Variants in WDR70 observed in about 807,000 individuals in gnomAD.
WDR70 encodes the protein WD repeat-containing protein 70.
In WDR70, 53 loss-of-function variants were observed where a neutral mutation model predicts 88.6. The observed-to-expected ratio is 0.60, with a 90% CI of 0.48 to 0.75. WDR70 has a LOEUF of 0.75. Among genes scored for constraint, WDR70 ranks in the 30% least tolerant of loss-of-function variants. WDR70 has a pLI of 0.00. For missense variants in WDR70, 610 were observed against 823.2 expected, an observed-to-expected ratio of 0.74 and a Z score of 3.17; for synonymous variants, 280 against 270.0, an observed-to-expected ratio of 1.04 and a Z score of -0.36.
chr5:37,535,690 A>T (rs989901697), intron 9 of WDR70, among the ~76,000 whole-genome samples: 1 of 152,240 alleles, frequency 6.6e-6, no homozygotes, highest in Non-Finnish European at 1.5e-5. Context: ...AATAGTTAAC[A>T]TTTATTGAGA....
chr5:37,722,601 C>T, intron 14 of WDR70: 1 of 462,660 alleles, frequency 2.2e-6, no homozygotes, highest in Middle Eastern at 5.9e-4. Flanking sequence ...GTTTTGTAAA[C>T]TTGTGTCCTG....
chr5:37,682,236 C>G (rs1482551192), intron 10 of WDR70, among the ~76,000 whole-genome samples: 1 of 152,138 alleles, frequency 6.6e-6, no homozygotes, highest in African/African-American at 2.4e-5. Flanking sequence ...ATAATATTCT[C>G]TGAGGGTTCT....
rs566455861 is a variant in WDR70, at chr5:37,423,360, A to G, written c.493-14562A>G. Among the ~76,000 whole-genome samples the G allele has an allele frequency of 5.1e-3, 758 of 147,464 alleles. 5 individuals are homozygous for G. The highest frequency in any genetic ancestry group is 8.8e-3 in the Non-Finnish European group (597 of 67,760). ...CATGGCCAGTATAATAAACAAAAAC[A>G]TTAAAAAAAAAAAAGAAGAAAAGGA... On this transcript the variant is annotated intron_variant, in intron 5 of 17. Transcript: ENST00000265107.
At chr5:37,396,616 T>G in intron 5 of WDR70, 46 bp downstream of exon 5, 1 of 1,532,650 alleles carries the variant, frequency 6.5e-7, no homozygotes, top group Non-Finnish European at 8.7e-7. Context: ...AGTAATATCT[T>G]TACTGTAGAG....
chr5:37,501,882 C>G (rs1485156682), intron 8 of WDR70, among the ~76,000 whole-genome samples: 1 of 151,934 alleles, frequency 6.6e-6, no homozygotes, highest in Non-Finnish European at 1.5e-5. Flanking sequence ...AATGTTATAC[C>G]TCTTGATTTG....
At chr5:37,521,932 C>A (rs1282011363) in intron 9 of WDR70, among the ~76,000 whole-genome samples, 1 of 152,154 alleles carries the variant, frequency 6.6e-6, no homozygotes, top group African/African-American at 2.4e-5. Flanking sequence ...ACTTTTAGTT[C>A]TTTAAGTAAT....
intron 7 of WDR70, among the ~76,000 whole-genome samples, chr5:37,461,872 T>G (rs1412130179): frequency 1.3e-5 from 2 of 152,328 alleles, no homozygotes; most frequent in African/African-American, 2.4e-5. Context: ...CATTGTTTTT[T>G]GTGCCTGCTG....
chr5:37,513,936 A>G (rs1306194902), intron 8 of WDR70, among the ~76,000 whole-genome samples: 1 of 152,052 alleles, frequency 6.6e-6, no homozygotes, highest in African/African-American at 2.4e-5. Flanking sequence ...TCAAGTTGAC[A>G]CTCATTATTA....
chr5:37,690,772 C>A (rs1746767712), intron 10 of WDR70, among the ~76,000 whole-genome samples: 1 of 152,122 alleles, frequency 6.6e-6, no homozygotes, highest in African/African-American at 2.4e-5. Flanking sequence ...ATTGTAAAGA[C>A]CATCGATGCT....
At chr5:37,615,016 A>G (rs1476312481) in intron 10 of WDR70, among the ~76,000 whole-genome samples, 1 of 152,144 alleles carries the variant, frequency 6.6e-6, no homozygotes, top group Non-Finnish European at 1.5e-5. Flanking sequence ...AAAAAATTTG[A>G]ATGTTAAGAG....
intron 3 of WDR70, among the ~76,000 whole-genome samples, chr5:37,390,716 TG>T (rs1748790518): frequency 7.4e-6 from 1 of 134,446 alleles, no homozygotes; most frequent in African/African-American, 3.4e-5. Flanking sequence ...AAAAAAGTGC[TG>T]TTTTTTTTTT....
At chr5:37,387,954 G>A (rs1244769602) in intron 3 of WDR70, among the ~76,000 whole-genome samples, 1 of 152,114 alleles carries the variant, frequency 6.6e-6, no homozygotes, top group African/African-American at 2.4e-5. Flanking sequence ...ATGGGGGTAT[G>A]AGCTGTCTTG....
rs1158647272 is a variant in WDR70, at chr5:37,384,166, TTC to T, written c.175+2482_175+2483del. 1.1e-4 allele frequency among the ~76,000 whole-genome samples: 6 copies of T among 54,186 alleles called. No homozygotes were observed. In the East Asian group the frequency reaches 3.4e-3, roughly 31 times the overall value. 35.5% of individuals were successfully genotyped at this position (54,186 alleles called of 152,430 possible). On this transcript the variant is annotated intron_variant, in intron 3 of 17. Coordinates refer to ENST00000265107, the MANE Select transcript of WDR70 (RefSeq NM_018034.4). ...ATCCTCTAGCACTCCTCTCAGTACT[TTC>T]CCCCCTTTTTTTTTTTTTTTTTTTT...
chr5:37,542,007 G>A (rs1436370298), intron 9 of WDR70, among the ~76,000 whole-genome samples: 7 of 152,096 alleles, frequency 4.6e-5, no homozygotes, highest in Admixed American at 2.6e-4. Context: ...TGTCACATGG[G>A]CATTTGAAAT....
chr5:37,568,497 G>C (rs1262021217), intron 9 of WDR70, among the ~76,000 whole-genome samples: 1 of 152,146 alleles, frequency 6.6e-6, no homozygotes, highest in African/African-American at 2.4e-5. Context: ...TACAATCACT[G>C]TTCTCTGAAA....
intron 17 of WDR70, among the ~76,000 whole-genome samples, chr5:37,735,694 A>T (rs988423958): frequency 1.3e-5 from 2 of 152,204 alleles, no homozygotes; most frequent in African/African-American, 4.8e-5. Context: ...ACTGCCAAGT[A>T]GCAAAGTATT....
chr5:37,588,526 C>A (rs1013398), intron 9 of WDR70, among the ~76,000 whole-genome samples: 4 of 151,714 alleles, frequency 2.6e-5, no homozygotes, highest in African/African-American at 7.3e-5. Context: ...GCTCCCTCCC[C>A]CTTAACTTTC....
chr5:37,469,498 T>C (rs1406605986), intron 7 of WDR70, among the ~76,000 whole-genome samples: 1 of 152,144 alleles, frequency 6.6e-6, no homozygotes, highest in African/African-American at 2.4e-5. Flanking sequence ...AATGCATAAC[T>C]CTGATGGAAT....
chr5:37,681,463 A>G (rs1746433996), intron 10 of WDR70, among the ~76,000 whole-genome samples: 1 of 152,120 alleles, frequency 6.6e-6, no homozygotes, highest in Non-Finnish European at 1.5e-5. Flanking sequence ...TTCCAATACT[A>G]TGTTGAATAG....
Sources: allele counts gnomAD v4.1 joint callset (sites outside exome capture counted in the v4.1 genomes callset), GRCh38; gene constraint gnomAD v4.1.1; transcripts MANE v1.5; gene names NCBI Gene and HGNC (gene_info 2026-07-23, HGNC 2026-07-21).